Variants in SERPINA3 observed in about 807,000 individuals in gnomAD.
SERPINA3 encodes alpha-1-antichymotrypsin.
SERPINA3 carries 32 observed loss-of-function variants against 26.8 expected under a neutral mutation model. The observed-to-expected ratio is 1.20, with a 90% CI of 0.90 to 1.61. The LOEUF is 1.61. Among genes scored for constraint, SERPINA3 ranks in the 40% most tolerant of loss-of-function variants. The pLI is 0.00. For synonymous variants in SERPINA3, 252 were observed against 206.4 expected (o/e 1.22, Z -1.89); for missense variants, 632 against 517.9 (o/e 1.22, Z -2.14).
Position 94,618,907 on chromosome 14 carries a change from C to G in SERPINA3, c.644-288C>G, listed in dbSNP as rs553709313. 3.4e-5 allele frequency: 18 copies of G among 524,506 alleles called. No homozygotes were observed. In the East Asian group the frequency reaches 5.7e-4, roughly 17 times the overall value. 32.5% of individuals were successfully genotyped at this position (524,506 alleles called of 1,614,324 possible). ...CACATGTTGTCATGCCTCTTTCCCC[C>G]ACTTTCCCTAAACCTTCTTTCTCTC... On this transcript the variant is annotated intron_variant, in intron 2 of 4. Transcript: ENST00000393078.
At position 94,619,383 on chromosome 14, in the gene SERPINA3, C is replaced by A. The variant is rs1262544040; in HGVS notation, c.832C>A (p.Leu278Ile). ...YTGNASALFI[L>I]PDQDKMEEVE... is the part of the protein sequence containing the mutation. ...AGGCAATGCCAGCGCACTCTTCATC[C>A]TCCCTGATCAAGACAAGATGGAGGA... The change falls in exon 3 of 5, where the codon CTC becomes ATC. Residue 278 changes from leucine to isoleucine, a missense_variant. Leu to Ile is a conservative substitution (Grantham distance 5). Coordinates refer to ENST00000393078, the MANE Select transcript of SERPINA3 (RefSeq NM_001085.5). The A allele has an allele frequency of 6.2e-7, 1 of 1,614,036 alleles. No homozygotes were observed. The highest frequency in any genetic ancestry group is 1.7e-5 in the Admixed American group (1 of 60,012).
At chr14:94,622,762 A>C (rs1886252973) in intron 4 of SERPINA3, 4 of 499,600 alleles carry the variant, frequency 8.0e-6, no homozygotes, top group South Asian at 4.2e-5. Context: ...ACCATTTACT[A>C]TCCATGGGGG....
chr14:94,615,170 C>A, intron 2 of SERPINA3, 86 bp downstream of exon 2: 1 of 1,466,882 alleles, frequency 6.8e-7, no homozygotes, highest in Non-Finnish European at 9.4e-7. Context: ...TTAGGCAAAC[C>A]ACTGTAGAGG....
chr14:94,622,338 T>C lies in SERPINA3; in HGVS notation c.918-3T>C. ...CAGATACTTTTTTTTTCTCGTTTTCTAGAGAGATAGGTGAGCTCTACCTGC... is the reference window on the plus strand; with the variant it reads ...CAGATACTTTTTTTTTCTCGTTTTCCAGAGAGATAGGTGAGCTCTACCTGC... On this transcript the variant is annotated splice_polypyrimidine_tract_variant and splice_region_variant and intron_variant, in intron 3 of 4. Transcript: ENST00000393078. 6.2e-7 allele frequency: 1 copy of C among 1,614,030 alleles called. No individual in the cohort carries two copies. The highest frequency in any genetic ancestry group is 2.2e-5 in the East Asian group (1 of 44,860).
chr14:94,614,909 T>C lies in SERPINA3; in HGVS notation c.468T>C (p.Asp156=). 6.2e-7 allele frequency: 1 copy of C among 1,614,198 alleles called. No individual in the cohort carries two copies. The highest frequency in any genetic ancestry group is 1.7e-5 in the Admixed American group (1 of 60,032). The part of the protein sequence containing the change: ...QLSLLDRFTE[D]AKRLYGSEAF... ...GTCTGCTGGACAGGTTCACGGAGGA[T>C]GCCAAGAGGCTGTATGGCTCCGAGG... Residue 156 remains aspartate (D), a synonymous_variant, in exon 2 of 5, where the codon GAT becomes GAC. Coordinates refer to ENST00000393078, the MANE Select transcript of SERPINA3 (RefSeq NM_001085.5).
rs755470493 is a variant in SERPINA3 at position 94,623,646 on chromosome 14, G to C, written c.1104G>C (p.Glu368Asp). 4.3e-6 allele frequency: 7 copies of C among 1,614,102 alleles called. No homozygotes were observed. In the Admixed American group the frequency reaches 1.2e-4, roughly 27 times the overall value. Residue 368 changes from glutamate (E) to aspartate (D), a missense_variant, in exon 5 of 5, where the codon GAG (glutamate) becomes GAC (aspartate). By Grantham distance (45) the Glu-to-Asp change is conservative. Transcript: ENST00000393078. ...VHKAVLDVFE[E>D]GTEASAATAV... ...AGGCTGTGCTTGATGTATTTGAGGA[G>C]GGCACAGAAGCATCTGCTGCCACAG...
rs1473187340 is a variant in SERPINA3, at chr14:94,614,726, C to T, written c.285C>T (p.Thr95=). Residue 95 remains threonine (T), a synonymous_variant, in exon 2 of 5, where the codon ACC becomes ACT. Transcript: ENST00000393078. ...TGTCTCTGGGGGCCCATAATACCAC[C>T]CTGACAGAGATTCTCAAAGGCCTCA... ...AFLSLGAHNT[T]LTEILKGLKF... 2 of 1,614,156 alleles carry T rather than the reference C, an allele frequency of 1.2e-6. No homozygotes were observed. The highest frequency in any genetic ancestry group is 3.3e-5 in the Admixed American group (2 of 60,032).
At position 94,622,328 on chromosome 14, in the gene SERPINA3, T is replaced by TC; in HGVS notation, c.918-12dup. 6.2e-7 allele frequency: 1 copy of TC among 1,614,022 alleles called. No homozygotes were observed. Among genetic ancestry groups the TC allele is most frequent in the Non-Finnish European group, 8.5e-7 (1 of 1,179,970 alleles). ...AGCAGAGGTTCAGATACTTTTTTTTTCTCGTTTTCTAGAGAGATAGGTGAG... is the reference window on the plus strand; with the variant it reads ...AGCAGAGGTTCAGATACTTTTTTTTTCCTCGTTTTCTAGAGAGATAGGTGAG... On this transcript the variant is annotated splice_polypyrimidine_tract_variant and intron_variant, in intron 3 of 4. Transcript: ENST00000393078.
rs1291448046 is a variant in SERPINA3, at chr14:94,619,069, A to G, written c.644-126A>G. ...CAATAACTTTTACTCTTGCCAAGCT[A>G]CTTCTCTAAACCAAAGCAGGGTCCC... is the stretch of plus-strand genomic sequence containing the variant. On this transcript the variant is annotated intron_variant, in intron 2 of 4. Coordinates refer to ENST00000393078, the MANE Select transcript of SERPINA3 (RefSeq NM_001085.5). 4.0e-5 allele frequency: 42 copies of G among 1,057,492 alleles called. No individual in the cohort carries two copies. In the Admixed American group the frequency reaches 7.0e-4, roughly 18 times the overall value. The allele number at this position is 1,057,492 out of a possible 1,614,324, so 65.5% of individuals were successfully genotyped here. A position where few individuals can be genotyped will look rare whatever the true frequency, so the allele number is the denominator to read the frequency against.
chr14:94,615,124 C>T (rs1284364645), intron 2 of SERPINA3, 40 bp downstream of exon 2: 2 of 1,606,024 alleles, frequency 1.2e-6, no homozygotes, highest in African/African-American at 1.3e-5. Context: ...AGGTGGATCT[C>T]AGGGCCATTT....
chr14:94,614,554 A>G lies in SERPINA3; in HGVS notation c.113A>G (p.Asn38Ser), dbSNP rs554823824. 6.2e-7 allele frequency: 1 copy of G among 1,614,142 alleles called. No individual in the cohort carries two copies. The highest frequency in any genetic ancestry group is 1.1e-5 in the South Asian group (1 of 91,076). The change falls in exon 2 of 5, where the codon AAC (asparagine) becomes AGC (serine). Residue 38 changes from asparagine to serine, a missense_variant. By Grantham distance (46) the Asn-to-Ser change is conservative. Transcript: ENST00000393078. Reference protein sequence around the residue: ...PLDEENLTQENQDRGTHVDLG... With the variant: ...PLDEENLTQESQDRGTHVDLG... The stretch of plus-strand genomic sequence containing the variant: ...GACGAGGAGAATCTGACCCAGGAGA[A>G]CCAAGACCGAGGGACACACGTGGAC...
chr14:94,615,039 G>A lies in SERPINA3; in HGVS notation c.598G>A (p.Asp200Asn), dbSNP rs780623415. Residue 200 changes from aspartate to asparagine, a missense_variant, in exon 2 of 5, where the codon GAC becomes AAC. Coordinates refer to ENST00000393078, the MANE Select transcript of SERPINA3 (RefSeq NM_001085.5). ...GKITDLIKDLDSQTMMVLVNY... is the reference protein window; with the variant it reads ...GKITDLIKDLNSQTMMVLVNY... ...AATCACAGATCTGATCAAGGACCTT[G>A]ACTCGCAGACAATGATGGTCCTGGT... 2.1e-5 allele frequency: 34 copies of A among 1,614,074 alleles called. No homozygotes were observed. Among genetic ancestry groups the A allele is most frequent in the Admixed American group, 3.3e-5 (2 of 60,010 alleles).
At chr14:94,623,353 T>C (rs1305985324) in intron 4 of SERPINA3, among the ~76,000 whole-genome samples, 5 of 152,192 alleles carry the variant, frequency 3.3e-5, no homozygotes, top group Non-Finnish European at 7.3e-5. Context: ...AAGGGATGCA[T>C]ATGAGGTGCT....
intron 4 of SERPINA3, among the ~76,000 whole-genome samples, chr14:94,623,176 A>G (rs1773098158): frequency 6.6e-6 from 1 of 152,230 alleles, no homozygotes; most frequent in African/African-American, 2.4e-5. Flanking sequence ...AGCAGGAGAG[A>G]TGCTGAAAGC....
chr14:94,620,888 G>T (rs1253434522), intron 3 of SERPINA3, among the ~76,000 whole-genome samples: 2 of 152,184 alleles, frequency 1.3e-5, no homozygotes, highest in Non-Finnish European at 2.9e-5. Flanking sequence ...CCAGCCTTGG[G>T]TTCAGACCGT....
At chr14:94,618,952 G>T (rs922574381) in intron 2 of SERPINA3, 3 of 588,378 alleles carry the variant, frequency 5.1e-6, no homozygotes, top group Admixed American at 2.9e-5. Context: ...TTATTCCCTG[G>T]TTCCTATTGA....
At chr14:94,619,727 C>A (rs958420842) in intron 3 of SERPINA3, 1 of 541,130 alleles carries the variant, frequency 1.8e-6, no homozygotes, top group African/African-American at 1.9e-5. Context: ...TCTGCACAGT[C>A]CCAAACACTC....
rs749352163 is a variant in SERPINA3 at position 94,619,293 on chromosome 14, C to T, written c.742C>T (p.His248Tyr). 6 of 1,614,068 alleles carry T rather than the reference C, an allele frequency of 3.7e-6. No individual in the cohort carries two copies. The highest frequency in any genetic ancestry group is 4.2e-6 in the Non-Finnish European group (5 of 1,180,044). Residue 248 changes from histidine to tyrosine, a missense_variant, in exon 3 of 5, where the codon CAC becomes TAC. Physicochemically the swap from His to Tyr is moderately conservative, Grantham distance 83. Coordinates refer to ENST00000393078, the MANE Select transcript of SERPINA3 (RefSeq NM_001085.5). ...AATGGTGCCCATGATGAGTTTGCAT[C>T]ACCTGACTATACCTTACTTCCGGGA... ...WVMVPMMSLH[H>Y]LTIPYFRDEE...
intron 2 of SERPINA3, among the ~76,000 whole-genome samples, chr14:94,616,092 T>G (rs1885987397): frequency 6.6e-6 from 1 of 152,200 alleles, no homozygotes; most frequent in African/African-American, 2.4e-5. Flanking sequence ...ACTCCACGCC[T>G]CACGTGCCAT....
Sources: allele counts gnomAD v4.1 joint callset (sites outside exome capture counted in the v4.1 genomes callset), GRCh38; gene constraint gnomAD v4.1.1; transcripts MANE v1.5; gene names NCBI Gene and HGNC (gene_info 2026-07-23, HGNC 2026-07-21).